PRKAG2: variants seen among roughly 807,000 people sequenced by gnomAD.
PRKAG2 encodes protein kinase AMP-activated non-catalytic subunit gamma 2.
In PRKAG2, 26 loss-of-function variants were observed where a neutral mutation model predicts 69.6. The ratio of observed to expected loss-of-function variants is 0.37; its 90% confidence interval spans 0.27 to 0.52. The LOEUF is 0.52. Among genes scored for constraint, PRKAG2 ranks in the 20% least tolerant of loss-of-function variants. The pLI, the probability that PRKAG2 is intolerant of heterozygous loss-of-function variation, is 0.90. For synonymous variants in PRKAG2, 293 were observed against 285.0 expected (o/e 1.03, Z -0.28); for missense variants, 557 against 740.0 (o/e 0.75, Z 2.87).
intron 1 of PRKAG2, among the ~76,000 whole-genome samples, chr7:151,873,226 T>C (rs1294682546): frequency 2.6e-5 from 4 of 152,192 alleles, no homozygotes; most frequent in Non-Finnish European, 5.9e-5. Flanking sequence ...TCCCGCCCGA[T>C]TCTGTGGGGT....
chr7:151,863,327 G>C (rs776050570), intron 1 of PRKAG2, among the ~76,000 whole-genome samples: 3 of 151,996 alleles, frequency 2.0e-5, no homozygotes, highest in African/African-American at 7.3e-5. Context: ...GCCCTCACCC[G>C]ACGGGATCCG....
At position 151,771,447 on chromosome 7, in the gene PRKAG2, C is replaced by T. The variant is rs1375760897; in HGVS notation, c.466+9705G>A. ...CCTCCTTTCCTCCTGCACTCTGTTC[C>T]AAAGCCAGAGAGCTCCGTGTCCTTT... On this transcript the variant is annotated intron_variant, in intron 3 of 15. Coordinates refer to ENST00000287878, the MANE Select transcript of PRKAG2 (RefSeq NM_016203.4). The surrounding 1 kb of genome is among the most constrained non-coding windows in gnomAD (Gnocchi z 4.0). Among the ~76,000 whole-genome samples, 2 of 152,108 alleles carry T rather than the reference C, an allele frequency of 1.3e-5. No individual in the cohort carries two copies. Among genetic ancestry groups the T allele is most frequent in the African/African-American group, 4.8e-5 (2 of 41,414 alleles).
chr7:151,873,027 A>C (rs2080257503), intron 1 of PRKAG2, among the ~76,000 whole-genome samples: 2 of 152,236 alleles, frequency 1.3e-5, no homozygotes, highest in African/African-American at 4.8e-5. Context: ...GCGCATACCT[A>C]TGCTAAAACA....
At position 151,777,713 on chromosome 7, in the gene PRKAG2, G is replaced by A. The variant is rs1451975129; in HGVS notation, c.466+3439C>T. 2.0e-5 allele frequency among the ~76,000 whole-genome samples: 3 copies of A among 152,178 alleles called. No individual in the cohort carries two copies. Among genetic ancestry groups the A allele is most frequent in the Non-Finnish European group, 4.4e-5 (3 of 68,036 alleles). ...GCTGGCTGGCTTTGCTCATTACCTG[G>A]GCGGAGGCCAAGCTAACAAAGGGAG... On this transcript the variant is annotated intron_variant, in intron 3 of 15. Transcript: ENST00000287878. This position sits in a 1 kb window ranked among gnomAD's most constrained non-coding sequence, Gnocchi z 4.3.
chr7:151,624,339 G>A (rs1031481608), intron 5 of PRKAG2, among the ~76,000 whole-genome samples: 17 of 151,968 alleles, frequency 1.1e-4, no homozygotes, highest in African/African-American at 3.9e-4. Context: ...TTTATAGAGA[G>A]AGGGTTTCGC....
intron 10 of PRKAG2, 63 bp downstream of exon 10, chr7:151,570,108 A>G: frequency 1.9e-6 from 3 of 1,540,758 alleles, no homozygotes; most frequent in Non-Finnish European, 2.6e-6. Flanking sequence ...CTTTCTTTCT[A>G]TCATGGTGAT....
chr7:151,677,457 G>C (rs1406341503), intron 3 of PRKAG2, among the ~76,000 whole-genome samples: 1 of 152,194 alleles, frequency 6.6e-6, no homozygotes, highest in Non-Finnish European at 1.5e-5. Context: ...CTCCCAAAGT[G>C]CTGGGATTGC....
intron 3 of PRKAG2, among the ~76,000 whole-genome samples, chr7:151,770,709 C>T (rs907782820): frequency 6.6e-6 from 1 of 152,138 alleles, no homozygotes; most frequent in African/African-American, 2.4e-5. Flanking sequence ...TATGGAGTGA[C>T]CTACAAATAG....
chr7:151,743,509 T>C (rs796739386), intron 3 of PRKAG2, among the ~76,000 whole-genome samples: 43 of 152,346 alleles, frequency 2.8e-4, no homozygotes, highest in African/African-American at 9.6e-4. Context: ...AAACCTACCT[T>C]TGACAACTCG....
intron 2 of PRKAG2, among the ~76,000 whole-genome samples, chr7:151,783,373 T>C (rs1007639060): frequency 5.3e-5 from 8 of 152,202 alleles, no homozygotes; most frequent in African/African-American, 1.9e-4. Context: ...AGGGTCTCCC[T>C]CTGTCGCTCA....
At chr7:151,660,857 T>C (rs1830209136) in intron 4 of PRKAG2, among the ~76,000 whole-genome samples, 2 of 152,270 alleles carry the variant, frequency 1.3e-5, no homozygotes, top group South Asian at 4.1e-4. Flanking sequence ...TTTTATGTTT[T>C]TCCTTTTATA....
At chr7:151,723,898 G>A (rs566463376) in intron 3 of PRKAG2, among the ~76,000 whole-genome samples, 4 of 152,148 alleles carry the variant, frequency 2.6e-5, no homozygotes, top group Non-Finnish European at 4.4e-5. Context: ...CAACCCGCCC[G>A]TGAAGCCTGA....
intron 5 of PRKAG2, among the ~76,000 whole-genome samples, chr7:151,618,101 C>T (rs1276435530): frequency 2.6e-5 from 4 of 152,054 alleles, no homozygotes; most frequent in Admixed American, 6.6e-5. Context: ...ATGGGAGAAT[C>T]GCTTGAGCTC....
chr7:151,838,032 C>CCGGAGGAG (rs2079185872), intron 1 of PRKAG2, among the ~76,000 whole-genome samples: 1 of 151,820 alleles, frequency 6.6e-6, no homozygotes, highest in Non-Finnish European at 1.5e-5. Flanking sequence ...GCACAGGACC[C>CCGGAGGAG]CGGAGGAGGC....
intron 11 of PRKAG2, among the ~76,000 whole-genome samples, chr7:151,568,117 T>C (rs1258777835): frequency 6.6e-6 from 1 of 152,216 alleles, no homozygotes; most frequent in African/African-American, 2.4e-5. Flanking sequence ...GAGTCTCTTT[T>C]AATGTTTCCA....
rs935726367 is a variant in PRKAG2 at position 151,701,792 on chromosome 7, G to A, written c.467-26155C>T. On this transcript the variant is annotated intron_variant, in intron 3 of 15. Coordinates refer to ENST00000287878, the MANE Select transcript of PRKAG2 (RefSeq NM_016203.4). ...CGTGAAGCGGGGGTTGCAGTGAGCCGAGATTGCGCCACTGCACTCCAGCCT... is the reference window on the plus strand; with the variant it reads ...CGTGAAGCGGGGGTTGCAGTGAGCCAAGATTGCGCCACTGCACTCCAGCCT... 6.0e-5 allele frequency among the ~76,000 whole-genome samples: 9 copies of A among 148,814 alleles called. No homozygotes were observed. The East Asian group carries it at 1.6e-3, about 26-fold the overall frequency.
intron 1 of PRKAG2, among the ~76,000 whole-genome samples, chr7:151,840,865 C>T (rs1041405241): frequency 3.3e-5 from 5 of 152,216 alleles, no homozygotes; most frequent in African/African-American, 1.2e-4. Flanking sequence ...CTGCCGGGCA[C>T]GGTGGCACCT....
At chr7:151,857,860 A>C (rs2079824620) in intron 1 of PRKAG2, among the ~76,000 whole-genome samples, 2 of 152,180 alleles carry the variant, frequency 1.3e-5, no homozygotes, top group Admixed American at 6.5e-5. Flanking sequence ...CCTTCTATAC[A>C]ATCCCAAACG....
At position 151,736,150 on chromosome 7, in the gene PRKAG2, C is replaced by T. The variant is rs1023804495; in HGVS notation, c.466+45002G>A. On this transcript the variant is annotated intron_variant, in intron 3 of 15. Coordinates refer to ENST00000287878, the MANE Select transcript of PRKAG2 (RefSeq NM_016203.4). ...GGCAGCCTGTGCTCAGGTGACAGCC[C>T]GGGTTCAAGCGTCCTCACCAGGGGG... 37 of 1,450,310 alleles carry T rather than the reference C, an allele frequency of 2.6e-5. No homozygotes were observed. The African/African-American group carries it at 3.1e-4, about 12-fold the overall frequency. 89.8% of individuals were successfully genotyped at this position (1,450,310 alleles called of 1,614,324 possible). A position where few individuals can be genotyped will look rare whatever the true frequency, so the allele number is the denominator to read the frequency against.
Sources: allele counts gnomAD v4.1 joint callset (sites outside exome capture counted in the v4.1 genomes callset), GRCh38; gene constraint gnomAD v4.1.1; non-coding constraint Gnocchi (gnomAD v3.1); transcripts MANE v1.5; gene names NCBI Gene and HGNC (gene_info 2026-07-23, HGNC 2026-07-21).